The following LRP1B variants were observed in gnomAD, a reference collection of about 807,000 sequenced individuals.
The protein encoded by LRP1B is low-density lipoprotein receptor-related protein 1B.
Under a neutral mutation model 556.6 loss-of-function variants are expected in LRP1B, and 217 were observed. That is an observed-to-expected ratio of 0.39 (90% confidence interval 0.35 to 0.44). The LOEUF (loss-of-function observed/expected upper bound fraction) is 0.44, where lower values mean the gene tolerates loss of function less well. Among genes scored for constraint, LRP1B ranks in the 20% least tolerant of loss-of-function variants. LRP1B has a pLI of 1.00. For missense variants in LRP1B, 5,053 were observed against 5,620.8 expected (o/e 0.90, Z 3.23); for synonymous variants, 2,047 against 1,865.8 (o/e 1.10, Z -2.50).
intron 5 of LRP1B, among the ~76,000 whole-genome samples, chr2:141,242,097 C>A (rs541817690): frequency 6.6e-6 from 1 of 151,910 alleles, no homozygotes; most frequent in Non-Finnish European, 1.5e-5. Flanking sequence ...AAGAATAGAT[C>A]TTAATATGAG....
At chr2:140,234,025 G>A (rs148142682) in intron 90 of LRP1B, among the ~76,000 whole-genome samples, 5 of 151,274 alleles carry the variant, frequency 3.3e-5, no homozygotes, top group Non-Finnish European at 7.4e-5. Flanking sequence ...TTAACAAATT[G>A]CAGTTTATCC....
In LRP1B at chr2:140,996,306, A is replaced by C. The variant is rs138973043; in HGVS notation, c.2504-2171T>G. 3.8e-3 allele frequency among the ~76,000 whole-genome samples: 572 copies of C among 152,138 alleles called. 5 individuals carry two copies. The highest frequency in any genetic ancestry group is 0.013 in the African/African-American group (552 of 41,558). ...AGAAACCACATTATCAATGCAGACT[A>C]TCAGTTTTCTTTAGGTTCATGATAA... is the stretch of plus-strand genomic sequence containing the variant. On this transcript the variant is annotated intron_variant, in intron 15 of 90. Transcript: ENST00000389484.
intron 7 of LRP1B, among the ~76,000 whole-genome samples, chr2:141,091,398 T>TA (rs1700168016): frequency 6.6e-6 from 1 of 152,100 alleles, no homozygotes. Flanking sequence ...AAAATAATGA[T>TA]AAAAAACAAA....
intron 2 of LRP1B, among the ~76,000 whole-genome samples, chr2:141,709,399 C>G (rs1282758551): frequency 1.7e-5 from 2 of 115,454 alleles, no homozygotes; most frequent in Non-Finnish European, 3.6e-5. Flanking sequence ...TAAAATAACC[C>G]CTTTTGGAGA....
At chr2:141,061,354 T>C (rs936645301) in intron 8 of LRP1B, among the ~76,000 whole-genome samples, 16 of 151,826 alleles carry the variant, frequency 1.1e-4, no homozygotes, top group African/African-American at 3.1e-4. Context: ...TTCAGCTCCA[T>C]AGACTAAGAA....
chr2:140,716,199 C>G (rs2105462451), intron 36 of LRP1B, 97 bp from the exon 37 acceptor site: 2 of 862,212 alleles, frequency 2.3e-6, no homozygotes, highest in Non-Finnish European at 3.5e-6. Context: ...ACATAACTAT[C>G]AAGAAACTGT....
At chr2:141,613,980 G>A (rs1461688235) in intron 2 of LRP1B, among the ~76,000 whole-genome samples, 3 of 134,402 alleles carry the variant, frequency 2.2e-5, no homozygotes, top group Admixed American at 9.0e-5. Context: ...GGCTGAGGCA[G>A]GAGAATTGAT....
At chr2:140,558,205 C>T (rs1185207436) in intron 43 of LRP1B, among the ~76,000 whole-genome samples, 1 of 152,094 alleles carries the variant, frequency 6.6e-6, no homozygotes, top group Non-Finnish European at 1.5e-5. Flanking sequence ...AGCAGTTTCA[C>T]AGTGCCTCAA....
At chr2:141,222,531 T>C (rs895521324) in intron 6 of LRP1B, among the ~76,000 whole-genome samples, 4 of 152,126 alleles carry the variant, frequency 2.6e-5, no homozygotes, top group African/African-American at 7.2e-5. Context: ...TCATTTTATG[T>C]GGCTAGCATT....
intron 1 of LRP1B, among the ~76,000 whole-genome samples, chr2:141,918,631 TATTATATCGGTGA>T (rs1449895329): frequency 5.3e-5 from 8 of 152,182 alleles, no homozygotes; most frequent in Admixed American, 3.3e-4. Context: ...AATTTCATTC[TATTATATCGGTGA>T]ATTAGTTTCT....
chr2:141,670,541 G>T (rs1212005793), intron 2 of LRP1B, among the ~76,000 whole-genome samples: 1 of 152,174 alleles, frequency 6.6e-6, no homozygotes, highest in African/African-American at 2.4e-5. Context: ...GGCCAGATAT[G>T]TTGGATCAGA....
intron 1 of LRP1B, among the ~76,000 whole-genome samples, chr2:141,857,370 T>C (rs1698092846): frequency 6.6e-6 from 1 of 152,038 alleles, no homozygotes; most frequent in South Asian, 2.1e-4. Flanking sequence ...AGACAGGGTC[T>C]TGCTCTGTCA....
At chr2:141,664,356 A>G (rs1269638060) in intron 2 of LRP1B, among the ~76,000 whole-genome samples, 1 of 152,210 alleles carries the variant, frequency 6.6e-6, no homozygotes, top group South Asian at 2.1e-4. Flanking sequence ...AGTTCCGGCC[A>G]GGGCAATCAG....
At chr2:141,428,539 G>T (rs4340447) in intron 3 of LRP1B, among the ~76,000 whole-genome samples, 148,675 of 152,316 alleles carry the variant, frequency 0.98, 72,670 homozygotes, top group East Asian at 1. Context: ...CACATGTATG[G>T]GACTTTTAAT....
Position 142,120,418 on chromosome 2 carries a change from A to G in LRP1B, c.82+10230T>C, listed in dbSNP as rs1041650797. ...TGAGCCACCATGCCCGGCCTTTACT[A>G]CAGTTTTCTTGGAATTTCCAGGGAG... On this transcript the variant is annotated intron_variant, in intron 1 of 90. Coordinates refer to ENST00000389484, the MANE Select transcript of LRP1B (RefSeq NM_018557.3). Among the ~76,000 whole-genome samples, 10 of 151,998 alleles carry G rather than the reference A, an allele frequency of 6.6e-5. 1 individual carries two copies. The highest frequency in any genetic ancestry group is 2.4e-5 in the African/African-American group (1 of 41,400).
intron 1 of LRP1B, among the ~76,000 whole-genome samples, chr2:141,901,718 T>C (rs1030996618): frequency 6.6e-6 from 1 of 151,808 alleles, no homozygotes; most frequent in Non-Finnish European, 1.5e-5. Context: ...AAACCATTAT[T>C]TGGATGATTA....
intron 2 of LRP1B, among the ~76,000 whole-genome samples, chr2:141,699,257 T>C (rs1185561795): frequency 6.6e-6 from 1 of 151,852 alleles, no homozygotes; most frequent in Non-Finnish European, 1.5e-5. Flanking sequence ...CCCAGTAGTG[T>C]TTTAAGTTCC....
In LRP1B at chr2:140,700,375, A is replaced by G. The variant is rs778501569; in HGVS notation, c.6674T>C (p.Ile2225Thr). The stretch of plus-strand genomic sequence containing the variant: ...TTGATTATAGTCAAAAGCCAAGGCT[A>G]TGACATTCTTGAAATAACGTGGATT... ...YENPRYFKNV[I>T]ALAFDYNQRR... Residue 2225 changes from isoleucine (I) to threonine (T), a missense_variant, in exon 41 of 91, where the codon ATA (isoleucine) becomes ACA (threonine). Physicochemically the swap from Ile to Thr is moderately conservative, Grantham distance 89. Transcript: ENST00000389484. 2.6e-5 allele frequency: 42 copies of G among 1,613,334 alleles called. No homozygotes were observed. The highest frequency in any genetic ancestry group is 3.4e-5 in the Non-Finnish European group (40 of 1,179,626).
intron 32 of LRP1B, among the ~76,000 whole-genome samples, chr2:140,797,485 A>G (rs1380551576): frequency 1.3e-5 from 2 of 152,100 alleles, no homozygotes; most frequent in African/African-American, 2.4e-5. Context: ...TATTTACTAG[A>G]AATTTCTCTT....
Sources: gnomAD v4.1 joint callset for allele counts (sites outside exome capture counted in the v4.1 genomes callset) on GRCh38, gnomAD v4.1.1 for gene constraint, MANE v1.5 for transcripts, NCBI Gene and HGNC (gene_info 2026-07-23, HGNC 2026-07-21) for gene names.